The following CLCN3 variants were observed in gnomAD, a reference collection of about 807,000 sequenced individuals.
CLCN3 encodes the protein Cl-/H+ antiporter 3, also known as H(+)/Cl(-) exchange transporter 3.
In CLCN3, 16 loss-of-function variants were observed where a neutral mutation model predicts 83.4. The observed-to-expected ratio is 0.19, with a 90% CI of 0.13 to 0.29. CLCN3 has a LOEUF of 0.29. Ranked by LOEUF, CLCN3 falls within the 10% of genes least tolerant of loss-of-function variation. The pLI is 1.00. For synonymous variants in CLCN3, 322 were observed against 346.2 expected, an observed-to-expected ratio of 0.93 and a Z score of 0.78; for missense variants, 544 against 1,006.0, an observed-to-expected ratio of 0.54 and a Z score of 6.21.
At chr4:169,625,432 C>A (rs767613348) in intron 1 of CLCN3, among the ~76,000 whole-genome samples, 46 of 152,126 alleles carry the variant, frequency 3.0e-4, no homozygotes, top group Admixed American at 5.2e-4. Context: ...GGCTGTGGAT[C>A]CTTTCGCCAC....
intron 2 of CLCN3, among the ~76,000 whole-genome samples, chr4:169,643,761 C>T (rs560789698): frequency 9.2e-5 from 14 of 152,244 alleles, no homozygotes; most frequent in African/African-American, 2.6e-4. Context: ...ATGTCGAACT[C>T]CTGGGCTCAA....
At chr4:169,641,778 CT>C (rs2150206547) in intron 2 of CLCN3, among the ~76,000 whole-genome samples, 1 of 152,290 alleles carries the variant, frequency 6.6e-6, no homozygotes, top group South Asian at 2.1e-4. Flanking sequence ...AGGGTCCAGC[CT>C]TTCCTCCTGT....
intron 1 of CLCN3, among the ~76,000 whole-genome samples, chr4:169,634,032 G>T (rs188245438): frequency 3.0e-4 from 46 of 152,110 alleles, no homozygotes; most frequent in Admixed American, 2.8e-3. Flanking sequence ...GGTTTATTTG[G>T]AGCAGAGTTG....
At position 169,628,319 on chromosome 4, in the gene CLCN3, A is replaced by T. The variant is rs145727376; in HGVS notation, c.-17+7256A>T. On this transcript the variant is annotated intron_variant, in intron 1 of 12. Coordinates refer to ENST00000513761, the MANE Select transcript of CLCN3 (RefSeq NM_001829.4). ...CAAAATTGATAAATTAAACTTCATC[A>T]AAATTAAGTATTTTTGCTCTGTTAT... 1.5e-3 allele frequency among the ~76,000 whole-genome samples: 230 copies of T among 152,330 alleles called. 2 individuals are homozygous for T. The highest frequency in any genetic ancestry group is 4.6e-3 in the African/African-American group (192 of 41,582).
intron 3 of CLCN3, among the ~76,000 whole-genome samples, chr4:169,681,065 G>T (rs1261438627): frequency 6.6e-6 from 1 of 151,568 alleles, no homozygotes; most frequent in Non-Finnish European, 1.5e-5. Flanking sequence ...TTTGGAGGTC[G>T]GGGGACCGTC....
rs574878399 is a variant in CLCN3 at position 169,720,243 on chromosome 4, A to G, written c.*246A>G. 45 of 589,346 alleles carry G rather than the reference A, an allele frequency of 7.6e-5. No homozygotes were observed. In the South Asian group the frequency reaches 8.3e-4, roughly 11 times the overall value. The allele number at this position is 589,346 out of a possible 1,614,324, so 36.5% of individuals were successfully genotyped here. On this transcript the variant is annotated 3_prime_UTR_variant, in exon 13 of 13. Transcript: ENST00000513761. ...TTTCCCGTCTAACAGAAAGCAGCGT[A>G]TCAACTCCTATTGTTCTGCACTGGA...
At position 169,635,989 on chromosome 4, in the gene CLCN3, A is replaced by G; in HGVS notation, c.61A>G (p.Ser21Gly). 1 of 1,613,418 alleles carries G rather than the reference A, an allele frequency of 6.2e-7. No individual in the cohort carries two copies. Among genetic ancestry groups the G allele is most frequent in the South Asian group, 1.1e-5 (1 of 91,036 alleles). The stretch of plus-strand genomic sequence containing the variant: ...TAGAAACAGCTACAACAGTATAACA[A>G]GTGCAAGTAGTGATGAGGAACTTTT... ...YYRNSYNSIT[S>G]ASSDEELLDG... The change falls in exon 2 of 13, where the codon AGT becomes GGT. Residue 21 changes from serine (S) to glycine (G), a missense_variant. Physicochemically the swap from Ser to Gly is moderately conservative, Grantham distance 56. This residue lies in a region of CLCN3 where 77 missense variants were observed against 92.8 expected (regional missense o/e 0.83). Transcript: ENST00000513761.
At chr4:169,711,010 T>C (rs1733191455) in intron 11 of CLCN3, among the ~76,000 whole-genome samples, 1 of 152,192 alleles carries the variant, frequency 6.6e-6, no homozygotes, top group South Asian at 2.1e-4. Context: ...TTATTTTTAA[T>C]TCTTTTGTCT....
intron 2 of CLCN3, among the ~76,000 whole-genome samples, chr4:169,665,198 A>AGG (rs1731199860): frequency 6.6e-6 from 1 of 152,196 alleles, no homozygotes; most frequent in South Asian, 2.1e-4. Flanking sequence ...CCACCTTATC[A>AGG]TCTCTAACTA....
chr4:169,665,826 A>AT (rs745959624), intron 2 of CLCN3, among the ~76,000 whole-genome samples: 8 of 152,146 alleles, frequency 5.3e-5, no homozygotes, highest in Non-Finnish European at 7.4e-5. Flanking sequence ...CACAGAGGTA[A>AT]TAAGTAACTC....
chr4:169,657,690 G>A (rs1730926635), intron 2 of CLCN3, among the ~76,000 whole-genome samples: 1 of 152,084 alleles, frequency 6.6e-6, no homozygotes, highest in Admixed American at 6.6e-5. Flanking sequence ...TACAGTGGAG[G>A]GTGCGTTCGA....
At chr4:169,659,565 T>C (rs1730981393) in intron 2 of CLCN3, among the ~76,000 whole-genome samples, 1 of 152,182 alleles carries the variant, frequency 6.6e-6, no homozygotes, top group Non-Finnish European at 1.5e-5. Flanking sequence ...GATAGTTTTC[T>C]TTCTCCTCAA....
At chr4:169,686,721 A>G (rs1385767887) in intron 3 of CLCN3, among the ~76,000 whole-genome samples, 1 of 152,188 alleles carries the variant, frequency 6.6e-6, no homozygotes, top group African/African-American at 2.4e-5. Context: ...GGCCAAAAAT[A>G]TGGGTTTCTA....
At chr4:169,706,392 A>G (rs1560871716) in intron 10 of CLCN3, among the ~76,000 whole-genome samples, 1 of 152,118 alleles carries the variant, frequency 6.6e-6, no homozygotes, top group Non-Finnish European at 1.5e-5. Flanking sequence ...GCATCAAAGT[A>G]TTTTACTCTT....
intron 3 of CLCN3, among the ~76,000 whole-genome samples, chr4:169,684,229 CT>C (rs1022749500): frequency 5.3e-5 from 8 of 152,058 alleles, no homozygotes; most frequent in African/African-American, 1.9e-4. Flanking sequence ...ATTGTTGTTC[CT>C]TTTTTATTTA....
At chr4:169,648,210 A>G (rs900186288) in intron 2 of CLCN3, among the ~76,000 whole-genome samples, 1 of 152,228 alleles carries the variant, frequency 6.6e-6, no homozygotes, top group Non-Finnish European at 1.5e-5. Flanking sequence ...TAAAGTCTGG[A>G]GTTTACTTAA....
intron 6 of CLCN3, among the ~76,000 whole-genome samples, chr4:169,690,926 A>T (rs1365045450): frequency 1.3e-5 from 2 of 152,066 alleles, no homozygotes; most frequent in Non-Finnish European, 2.9e-5. Flanking sequence ...TTAGTTAAAC[A>T]TCAAGAGCCT....
Position 169,687,713 on chromosome 4 carries a change from C to T in CLCN3, c.374C>T (p.Ala125Val), listed in dbSNP as rs1190935186. Residue 125 changes from alanine to valine, a missense_variant, in exon 4 of 13, where the codon GCG becomes GTG. Coordinates refer to ENST00000513761, the MANE Select transcript of CLCN3 (RefSeq NM_001829.4). ...GAAATGACAAAAAGTTTGTATGATG[C>T]GTGGTCAGGATGGCTAGTAGTAACA... ...AWEMTKSLYD[A>V]WSGWLVVTLT... is the part of the protein sequence containing the mutation. The T allele has an allele frequency of 2.5e-6, 4 of 1,606,692 alleles. No homozygotes were observed. The highest frequency in any genetic ancestry group is 2.3e-5 in the East Asian group (1 of 44,330).
intron 3 of CLCN3, among the ~76,000 whole-genome samples, chr4:169,682,302 A>G (rs1392329521): frequency 1.3e-5 from 2 of 152,332 alleles, no homozygotes; most frequent in East Asian, 3.9e-4. Context: ...TTGGGAACCT[A>G]TCATCCTCAC....
Sources: allele counts gnomAD v4.1 joint callset (sites outside exome capture counted in the v4.1 genomes callset), GRCh38; gene constraint gnomAD v4.1.1; regional missense constraint gnomAD v4.1.1; transcripts MANE v1.5; gene names NCBI Gene and HGNC (gene_info 2026-07-23, HGNC 2026-07-21).